The following IL17RD variants were observed in gnomAD, a reference collection of about 807,000 sequenced individuals.
The protein encoded by IL17RD is interleukin-17 receptor D.
IL17RD carries 52 observed loss-of-function variants against 80.5 expected under a neutral mutation model. The observed-to-expected ratio is 0.65, with a 90% confidence interval of 0.52 to 0.81. The LOEUF is 0.81. Ranked by LOEUF, IL17RD falls within the 40% of genes least tolerant of loss-of-function variation. IL17RD has a pLI of 0.00. For missense variants in IL17RD, 1,024 were observed against 955.1 expected (o/e 1.07, Z -0.95); for synonymous variants, 416 against 391.8 (o/e 1.06, Z -0.73).
At chr3:57,141,869 C>T (rs1476776869) in intron 1 of IL17RD, among the ~76,000 whole-genome samples, 2 of 152,206 alleles carry the variant, frequency 1.3e-5, no homozygotes, top group Non-Finnish European at 2.9e-5. Flanking sequence ...TTGTCTTCCA[C>T]CGCAGGCCTT....
upstream of IL17RD, among the ~76,000 whole-genome samples, chr3:57,167,893 C>A (rs566922973): frequency 6.6e-6 from 1 of 152,220 alleles, no homozygotes; most frequent in African/African-American, 2.4e-5. Context: ...GTGAGTGATG[C>A]AATCTTGGCT....
chr3:57,098,081 G>A lies in IL17RD; in HGVS notation c.1622C>T (p.Ser541Phe), dbSNP rs750602914. The A allele has an allele frequency of 3.1e-6, 5 of 1,613,880 alleles. No individual in the cohort carries two copies. The highest frequency in any genetic ancestry group is 3.4e-6 in the Non-Finnish European group (4 of 1,179,910). The change falls in exon 12 of 13, where the codon TCC (serine) becomes TTC (phenylalanine). Residue 541 changes from serine to phenylalanine, a missense_variant. Physicochemically the swap from Ser to Phe is radical, Grantham distance 155. Transcript: ENST00000296318. ...CATGTTGCAAATGGCGACGTATAGG[G>A]ACCGGCCTGACTTGCTCCGGAAGTA... ...RNYFRSKSGR[S>F]LYVAICNMHQ...
intron 1 of IL17RD, among the ~76,000 whole-genome samples, chr3:57,158,820 T>C (rs997094454): frequency 6.6e-6 from 1 of 152,240 alleles, no homozygotes; most frequent in African/African-American, 2.4e-5. Context: ...GTGTTATTAA[T>C]TAAAAGCCTT....
At chr3:57,105,096 G>A (rs954702652) in intron 7 of IL17RD, among the ~76,000 whole-genome samples, 6 of 152,152 alleles carry the variant, frequency 3.9e-5, no homozygotes, top group African/African-American at 1.4e-4. Context: ...GTGCGGCCTT[G>A]AGCAAGCCAG....
chr3:57,114,807 G>C lies in IL17RD; in HGVS notation c.195C>G (p.Thr65=). Residue 65 remains threonine (T), a synonymous_variant, in exon 3 of 13, where the codon ACC becomes ACG. Coordinates refer to ENST00000296318, the MANE Select transcript of IL17RD (RefSeq NM_017563.5). ...CATGCTTCCCCACTGGATTCAAGTA[G>C]GTGGTACAATCTAGAGAGTAGGGAG... is the stretch of plus-strand genomic sequence containing the variant. ...NITFKYDNCT[T]YLNPVGKHVI... The C allele has an allele frequency of 6.2e-7, 1 of 1,602,726 alleles. No homozygotes were observed. Among genetic ancestry groups the C allele is most frequent in the Non-Finnish European group, 8.5e-7 (1 of 1,175,596 alleles).
chr3:57,154,283 T>TATATATACACATATACACACAC (rs904157398), intron 1 of IL17RD, among the ~76,000 whole-genome samples: 2 of 112,908 alleles, frequency 1.8e-5, no homozygotes, highest in Non-Finnish European at 3.6e-5. Context: ...TATATATATA[T>TATATATACACATATACACACAC]ACACACACAC....
chr3:57,149,021 C>A (rs1559484633), intron 1 of IL17RD, among the ~76,000 whole-genome samples: 1 of 152,140 alleles, frequency 6.6e-6, no homozygotes, highest in Admixed American at 6.5e-5. Context: ...GAAGAAAAAG[C>A]AGATTCCTGG....
intron 1 of IL17RD, among the ~76,000 whole-genome samples, chr3:57,137,888 G>A (rs577107037): frequency 6.6e-6 from 1 of 152,272 alleles, no homozygotes; most frequent in South Asian, 2.1e-4. Flanking sequence ...ATACTAAAGA[G>A]ATAAGAAGAC....
At chr3:57,121,638 C>T (rs1413330923) in intron 1 of IL17RD, among the ~76,000 whole-genome samples, 3 of 152,188 alleles carry the variant, frequency 2.0e-5, no homozygotes. Flanking sequence ...TACAAGATTC[C>T]AGAACTCCTC....
intron 1 of IL17RD, among the ~76,000 whole-genome samples, chr3:57,163,803 A>AGGGGGGGGGGGGGGGGGGGGGGGG (rs1401715931): frequency 3.6e-4 from 2 of 5,524 alleles, no homozygotes; most frequent in African/African-American, 7.7e-4. Context: ...CGGGGGGGGA[A>AGGGGGGGGGGGGGGGGGGGGGGGG]GGGGGTGGCG....
At chr3:57,127,873 G>A (rs1303922237) in intron 1 of IL17RD, among the ~76,000 whole-genome samples, 1 of 152,180 alleles carries the variant, frequency 6.6e-6, no homozygotes, top group Non-Finnish European at 1.5e-5. Context: ...TTGACTCCAT[G>A]CCAGTTCAGA....
At chr3:57,166,406 C>G (rs910749264), upstream of IL17RD, among the ~76,000 whole-genome samples, 1 of 152,092 alleles carries the variant, frequency 6.6e-6, no homozygotes, top group African/African-American at 2.4e-5. Context: ...GTGGCCAATC[C>G]TAGAGGATCG....
intron 1 of IL17RD, among the ~76,000 whole-genome samples, chr3:57,127,317 AATAT>A (rs1283085195): frequency 3.8e-5 from 3 of 79,784 alleles, no homozygotes; most frequent in Non-Finnish European, 6.2e-5. Flanking sequence ...AATATATAAA[AATAT>A]ATATAAATAT....
At chr3:57,097,524 A>C (rs1706706905) in intron 12 of IL17RD, 72 bp downstream of exon 12, 1 of 1,255,614 alleles carries the variant, frequency 8.0e-7, no homozygotes, top group Admixed American at 2.1e-5. Flanking sequence ...AAGTGGAAAA[A>C]CGCTTTGACT....
chr3:57,130,966 C>A (rs1223519908), intron 1 of IL17RD, among the ~76,000 whole-genome samples: 1 of 152,224 alleles, frequency 6.6e-6, no homozygotes, highest in Non-Finnish European at 1.5e-5. Flanking sequence ...CAATTAGACC[C>A]TTCCCAGGCC....
chr3:57,096,722 C>T (rs907290328), intron 12 of IL17RD, among the ~76,000 whole-genome samples: 4 of 152,060 alleles, frequency 2.6e-5, no homozygotes, highest in African/African-American at 9.7e-5. Context: ...AAAAGTCAAG[C>T]GTTTAGGCCG....
upstream of IL17RD, chr3:57,169,216 C>T (rs1356736194): frequency 1.9e-6 from 1 of 517,976 alleles, no homozygotes. Context: ...TCCCTCAATA[C>T]AACACTTGGT....
At chr3:57,164,115 C>T (rs2060327584) in intron 1 of IL17RD, among the ~76,000 whole-genome samples, 1 of 152,200 alleles carries the variant, frequency 6.6e-6, no homozygotes, top group African/African-American at 2.4e-5. Flanking sequence ...TCCCATTTTT[C>T]ATATGAAGAA....
upstream of IL17RD, among the ~76,000 whole-genome samples, chr3:57,167,916 C>T (rs2060354934): frequency 1.3e-5 from 2 of 152,128 alleles, no homozygotes; most frequent in African/African-American, 4.8e-5. Context: ...CTGCAACCTC[C>T]GCTTCCCAGG....
Sources: allele counts gnomAD v4.1 joint callset (sites outside exome capture counted in the v4.1 genomes callset), GRCh38; gene constraint gnomAD v4.1.1; transcripts MANE v1.5; gene names NCBI Gene and HGNC (gene_info 2026-07-23, HGNC 2026-07-21).